The following AHRR variants were observed in gnomAD, a reference collection of about 807,000 sequenced individuals.
AHRR encodes aryl hydrocarbon receptor repressor.
Under a neutral mutation model 44.0 loss-of-function variants are expected in AHRR, and 28 were observed. The ratio of observed to expected loss-of-function variants is 0.64; its 90% CI spans 0.47 to 0.87. AHRR has a LOEUF of 0.87. Ranked by LOEUF, AHRR falls within the 40% of genes least tolerant of loss-of-function variation. AHRR has a pLI of 0.00. For missense variants in AHRR, 990 were observed against 953.9 expected (o/e 1.04, Z -0.50); for synonymous variants, 434 against 407.0 (o/e 1.07, Z -0.80).
rs1196706433 is a variant in AHRR, at chr5:432,918, C to T, written c.1083C>T (p.Asp361=). ...GCCTGTGCCTCCGGGGTGGCCCTGACCTTGTCCTTGACCCCAAGGGGGGCT... is the reference window on the plus strand; with the variant it reads ...GCCTGTGCCTCCGGGGTGGCCCTGATCTTGTCCTTGACCCCAAGGGGGGCT... ...APCLCLRGGP[D]LVLDPKGGSG... The change falls in exon 10 of 11, where the codon GAC becomes GAT. Residue 361 remains aspartate (D), a synonymous_variant. Coordinates refer to ENST00000684583, the MANE Select transcript of AHRR (RefSeq NM_001377236.1). 2 of 1,612,108 alleles carry T rather than the reference C, an allele frequency of 1.2e-6. No individual in the cohort carries two copies. Among genetic ancestry groups the T allele is most frequent in the Admixed American group, 1.7e-5 (1 of 59,860 alleles).
chr5:325,502 C>T (rs1741674796), intron 1 of AHRR, among the ~76,000 whole-genome samples: 1 of 152,186 alleles, frequency 6.6e-6, no homozygotes, highest in South Asian at 2.1e-4. Flanking sequence ...GGCCTCCAGC[C>T]ACCAAGTGCC....
chr5:416,363 C>T (rs574599482), intron 5 of AHRR, among the ~76,000 whole-genome samples: 6 of 152,390 alleles, frequency 3.9e-5, no homozygotes, highest in African/African-American at 7.2e-5. Context: ...GGCCAGACCA[C>T]GGGGCCACTG....
Position 370,538 on chromosome 5 carries a change from T to G in AHRR, c.245-6072T>G, listed in dbSNP as rs182258736. ...AGGTCATCCGCCACCCCCAGGACCC[T>G]GAGAGTCTCACAGTGGGTGCAGCCC... On this transcript the variant is annotated intron_variant, in intron 3 of 10. Coordinates refer to ENST00000684583, the MANE Select transcript of AHRR (RefSeq NM_001377236.1). The surrounding 1 kb of genome is among the most constrained non-coding windows in gnomAD (Gnocchi z 4.5). Among the ~76,000 whole-genome samples the G allele has an allele frequency of 3.2e-4, 48 of 152,242 alleles. No individual in the cohort carries two copies. The highest frequency in any genetic ancestry group is 1.1e-3 in the African/African-American group (46 of 41,544).
intron 3 of AHRR, among the ~76,000 whole-genome samples, chr5:367,136 T>C (rs1230238158): frequency 6.6e-6 from 1 of 152,224 alleles, no homozygotes; most frequent in Non-Finnish European, 1.5e-5. Flanking sequence ...ATGGAGAAGT[T>C]GCAGGGTGTT....
At chr5:376,772 G>A (rs188027980) in intron 4 of AHRR, 56 bp downstream of exon 4, 275 of 1,454,716 alleles carry the variant, frequency 1.9e-4, no homozygotes, top group South Asian at 1.4e-3. Context: ...CGTGTCACGC[G>A]TGTTCAGGCT....
At chr5:355,630 G>C (rs1328092724) in intron 3 of AHRR, among the ~76,000 whole-genome samples, 1 of 152,228 alleles carries the variant, frequency 6.6e-6, no homozygotes, top group African/African-American at 2.4e-5. Flanking sequence ...CTTCGATTCT[G>C]GTGTTTCCAG....
chr5:388,690 G>A lies in AHRR; in HGVS notation c.351+11974G>A, dbSNP rs969365329. ...CGGGGGTGTCAGAGCCAGGGGCACC[G>A]TCCTCCCATTGGCCAGGACGAGGAC... On this transcript the variant is annotated intron_variant, in intron 4 of 10. Coordinates refer to ENST00000684583, the MANE Select transcript of AHRR (RefSeq NM_001377236.1). The surrounding 1 kb of genome is among the most constrained non-coding windows in gnomAD (Gnocchi z 5.2). 2.0e-5 allele frequency among the ~76,000 whole-genome samples: 3 copies of A among 152,114 alleles called. No individual in the cohort carries two copies. The highest frequency in any genetic ancestry group is 4.4e-5 in the Non-Finnish European group (3 of 68,010).
chr5:397,662 G>A (rs1167559017), intron 4 of AHRR, among the ~76,000 whole-genome samples: 12 of 92,996 alleles, frequency 1.3e-4, no homozygotes, highest in South Asian at 4.2e-4. Context: ...GACCATCCAC[G>A]TAGCCCCTGA....
chr5:376,537 G>A, intron 3 of AHRR, 73 bp from the exon 4 acceptor site: 8 of 1,474,410 alleles, frequency 5.4e-6, no homozygotes, highest in South Asian at 2.7e-5. Context: ...GGAAACACAG[G>A]AAAGATGTGA....
chr5:386,427 C>T (rs536475118), intron 4 of AHRR, among the ~76,000 whole-genome samples: 2 of 152,294 alleles, frequency 1.3e-5, no homozygotes, highest in African/African-American at 2.4e-5. Context: ...GCAGGTTCAC[C>T]GTAATCACAA....
At chr5:428,906 T>G (rs1736590244) in intron 8 of AHRR, among the ~76,000 whole-genome samples, 1 of 150,952 alleles carries the variant, frequency 6.6e-6, no homozygotes, top group African/African-American at 2.4e-5. Context: ...CCAGCTGAGC[T>G]GACAGGCAGT....
At chr5:341,490 C>G (rs1011483135) in intron 1 of AHRR, among the ~76,000 whole-genome samples, 1 of 144,284 alleles carries the variant, frequency 6.9e-6, no homozygotes, top group Non-Finnish European at 1.5e-5. Flanking sequence ...TTTCCTTCCC[C>G]TCCCCTCCCC....
chr5:389,396 C>T (rs1734309599), intron 4 of AHRR, among the ~76,000 whole-genome samples: 1 of 152,250 alleles, frequency 6.6e-6, no homozygotes, highest in Non-Finnish European at 1.5e-5. Context: ...CGACTCGGAT[C>T]ACATTCTCAA....
At chr5:402,506 TGGC>T (rs995189897) in intron 4 of AHRR, among the ~76,000 whole-genome samples, 1 of 137,628 alleles carries the variant, frequency 7.3e-6, no homozygotes, top group Non-Finnish European at 1.6e-5. Context: ...CGTGCACTGT[TGGC>T]GGGAAGGCAG....
chr5:344,785 G>T lies in AHRR; in HGVS notation c.62+821G>T, dbSNP rs1262809960. ...TGGGTGTGTGTGTGACTGTGCGGGTGTGCGAGGCTGTGTGAGACTGTGTGT... is the reference window on the plus strand; with the variant it reads ...TGGGTGTGTGTGTGACTGTGCGGGTTTGCGAGGCTGTGTGAGACTGTGTGT... On this transcript the variant is annotated intron_variant, in intron 2 of 10. Transcript: ENST00000684583. Among the ~76,000 whole-genome samples the T allele has an allele frequency of 3.1e-5, 4 of 130,310 alleles. 1 individual carries two copies. Among genetic ancestry groups the T allele is most frequent in the African/African-American group, 1.5e-4 (4 of 27,270 alleles). The allele number at this position is 130,310 out of a possible 152,430, so 85.5% of individuals were successfully genotyped here.
chr5:373,737 G>C (rs962886568), intron 3 of AHRR, among the ~76,000 whole-genome samples: 5 of 151,012 alleles, frequency 3.3e-5, no homozygotes, highest in African/African-American at 1.2e-4. Flanking sequence ...CCGTGGCCGG[G>C]TCCGCCCGCC....
intron 7 of AHRR, chr5:427,596 A>G: frequency 6.2e-7 from 1 of 1,608,480 alleles, no homozygotes; most frequent in South Asian, 1.1e-5. Flanking sequence ...GGAGTGGGGG[A>G]TGGTTTCAGG....
chr5:423,928 G>A lies in AHRR; in HGVS notation c.659G>A (p.Cys220Tyr), dbSNP rs1339270933. Residue 220 changes from cysteine (C) to tyrosine (Y), a missense_variant, in exon 7 of 11, where the codon TGC (cysteine) becomes TAC (tyrosine). Transcript: ENST00000684583. ...PTEYSAFLTRCFICRVRCLLD... is the reference protein window; with the variant it reads ...PTEYSAFLTRYFICRVRCLLD... ...GAGTACTCGGCCTTCCTGACCCGCT[G>A]CTTCATCTGCCGTGTGCGCTGCCTG... is the stretch of plus-strand genomic sequence containing the variant. 3 of 1,602,664 alleles carry A rather than the reference G, an allele frequency of 1.9e-6. No individual in the cohort carries two copies. Among genetic ancestry groups the A allele is most frequent in the Admixed American group, 3.3e-5 (2 of 60,024 alleles).
chr5:416,002 C>T (rs1490700432), intron 5 of AHRR, among the ~76,000 whole-genome samples: 2 of 152,246 alleles, frequency 1.3e-5, no homozygotes, highest in East Asian at 1.9e-4. Context: ...GCAAGGACCA[C>T]GTGACTGCCG....
Sources: gnomAD v4.1 joint callset for allele counts (sites outside exome capture counted in the v4.1 genomes callset) on GRCh38, gnomAD v4.1.1 for gene constraint, Gnocchi (gnomAD v3.1) non-coding constraint, MANE v1.5 for transcripts, NCBI Gene and HGNC (gene_info 2026-07-23, HGNC 2026-07-21) for gene names.